Variants in WWP2 observed in about 807,000 individuals in gnomAD.
WWP2 encodes the protein NEDD4-like E3 ubiquitin-protein ligase WWP2.
WWP2 carries 57 observed loss-of-function variants against 121.0 expected under a neutral mutation model. The ratio of observed to expected loss-of-function variants is 0.47; its 90% CI spans 0.38 to 0.59. The LOEUF (loss-of-function observed/expected upper bound fraction) is 0.59, where lower values mean the gene tolerates loss of function less well. Ranked by LOEUF, WWP2 falls within the 20% of genes least tolerant of loss-of-function variation. WWP2 has a pLI of 0.00. For synonymous variants in WWP2, 449 were observed against 441.3 expected, an observed-to-expected ratio of 1.02 and a Z score of -0.22; for missense variants, 962 against 1,158.9, an observed-to-expected ratio of 0.83 and a Z score of 2.47.
At position 69,930,188 on chromosome 16, in the gene WWP2, G is replaced by T; in HGVS notation, c.1375G>T (p.Val459Leu). 2 of 1,614,058 alleles carry T rather than the reference G, an allele frequency of 1.2e-6. No individual in the cohort carries two copies. Among genetic ancestry groups the T allele is most frequent in the East Asian group, 2.2e-5 (1 of 44,868 alleles). The change falls in exon 13 of 24, where the codon GTG (valine) becomes TTG (leucine). Residue 459 changes from valine (V) to leucine (L), a missense_variant. This residue lies in a region of WWP2 where 606 missense variants were observed against 772.6 expected (regional missense o/e 0.78). Transcript: ENST00000359154. Reference sequence around the variant, plus strand: ...GGAGATGAAATACACCAGCGAGGGGGTGCGATACTTTGTGGACCACAATAC... The same window carrying T: ...GGAGATGAAATACACCAGCGAGGGGTTGCGATACTTTGTGGACCACAATAC... ...GWEMKYTSEG[V>L]RYFVDHNTRT...
intron 10 of WWP2, 85 bp downstream of exon 10, chr16:69,917,968 T>C: frequency 6.7e-7 from 1 of 1,495,944 alleles, no homozygotes; most frequent in Non-Finnish European, 9.0e-7. Context: ...TTGACCTGCT[T>C]AGTGAGCAGG....
chr16:69,766,337 C>A (rs2151763182), intron 1 of WWP2, among the ~76,000 whole-genome samples: 1 of 152,326 alleles, frequency 6.6e-6, no homozygotes, highest in Admixed American at 6.5e-5. Flanking sequence ...TAACTTGTCT[C>A]CCTCTTCCAC....
At chr16:69,891,753 C>A (rs979524455) in intron 8 of WWP2, among the ~76,000 whole-genome samples, 1 of 152,198 alleles carries the variant, frequency 6.6e-6, no homozygotes, top group African/African-American at 2.4e-5. Flanking sequence ...ACTACCTGGA[C>A]AGTTCCATGT....
At chr16:69,924,247 G>A (rs1013883932) in intron 10 of WWP2, among the ~76,000 whole-genome samples, 12 of 152,092 alleles carry the variant, frequency 7.9e-5, no homozygotes, top group African/African-American at 2.9e-4. Flanking sequence ...GTGGAAGGGG[G>A]CTTGCTGGCA....
At position 69,922,034 on chromosome 16, in the gene WWP2, T is replaced by G. The variant is rs554397540; in HGVS notation, c.1180-3396T>G. ...GGTTGGTTGTGGTGAGCTGAGATCA[T>G]GCCACTGCACTCCAGCCAGAGACAC... On this transcript the variant is annotated intron_variant, in intron 10 of 23. Transcript: ENST00000359154. Among the ~76,000 whole-genome samples, 4 of 146,354 alleles carry G rather than the reference T, an allele frequency of 2.7e-5. No individual in the cohort carries two copies. The Admixed American group carries it at 2.8e-4, about 10-fold the overall frequency.
intron 8 of WWP2, 53 bp downstream of exon 8, chr16:69,888,302 C>G (rs890543001): frequency 2.6e-6 from 4 of 1,558,944 alleles, no homozygotes; most frequent in Admixed American, 3.8e-5. Context: ...GACTGAGGCT[C>G]CTTTACGGGG....
intron 2 of WWP2, among the ~76,000 whole-genome samples, chr16:69,795,364 A>G (rs1307132088): frequency 1.3e-5 from 2 of 152,222 alleles, no homozygotes; most frequent in Non-Finnish European, 2.9e-5. Context: ...GTAGCCACAT[A>G]GAACTGTTTA....
chr16:69,834,063 C>T lies in WWP2; in HGVS notation c.341-6063C>T, dbSNP rs529555035. On this transcript the variant is annotated intron_variant, in intron 4 of 23. Coordinates refer to ENST00000359154, the MANE Select transcript of WWP2 (RefSeq NM_001270454.2). ...CCTGGTCTTGTGTACCTCAGCCCTTCTCCTGTAGCCAGACTGGTTGTGCTA... is the reference window on the plus strand; with the variant it reads ...CCTGGTCTTGTGTACCTCAGCCCTTTTCCTGTAGCCAGACTGGTTGTGCTA... Among the ~76,000 whole-genome samples, 12 of 152,360 alleles carry T rather than the reference C, an allele frequency of 7.9e-5. No individual in the cohort carries two copies. In the South Asian group the frequency reaches 1.9e-3, roughly 24 times the overall value.
intron 10 of WWP2, among the ~76,000 whole-genome samples, chr16:69,919,615 G>A (rs774473596): frequency 3.9e-5 from 6 of 152,210 alleles, no homozygotes; most frequent in Non-Finnish European, 8.8e-5. Flanking sequence ...GTGAGCTGGA[G>A]GTGGGGAAGC....
At chr16:69,916,364 T>A (rs1245563073) in intron 9 of WWP2, among the ~76,000 whole-genome samples, 3 of 152,270 alleles carry the variant, frequency 2.0e-5, no homozygotes, top group Middle Eastern at 3.4e-3. Flanking sequence ...CCCCAGCTAA[T>A]TTTTAAAAAA....
chr16:69,916,416 G>A (rs1226726066), intron 9 of WWP2, among the ~76,000 whole-genome samples: 2 of 152,124 alleles, frequency 1.3e-5, no homozygotes, highest in Non-Finnish European at 2.9e-5. Context: ...TGCTTAGGCT[G>A]GTCAATTGAA....
At chr16:69,784,681 A>G (rs887315173) in intron 1 of WWP2, among the ~76,000 whole-genome samples, 2 of 152,120 alleles carry the variant, frequency 1.3e-5, no homozygotes, top group Admixed American at 1.3e-4. Flanking sequence ...AATGGGCAGT[A>G]CTCCAAAAGC....
chr16:69,848,310 C>T (rs1422970066), intron 6 of WWP2, among the ~76,000 whole-genome samples: 9 of 151,948 alleles, frequency 5.9e-5, no homozygotes, highest in Admixed American at 5.9e-4. Context: ...GTTAGCCAGG[C>T]GTGGTGGCGC....
At chr16:69,849,722 C>T (rs1048403273) in intron 6 of WWP2, among the ~76,000 whole-genome samples, 19 of 151,812 alleles carry the variant, frequency 1.3e-4, no homozygotes, top group African/African-American at 3.6e-4. Context: ...GCAGAAGGAT[C>T]GCTTGAGGCC....
rs933430213 is a variant in WWP2 at position 69,940,145 on chromosome 16, A to T, written c.*205A>T. On this transcript the variant is annotated 3_prime_UTR_variant, in exon 24 of 24. Coordinates refer to ENST00000359154, the MANE Select transcript of WWP2 (RefSeq NM_001270454.2). Reference sequence around the variant, plus strand: ...ACCCGCGGATGGCAGTCTGGAATAAAGCCCCCTAGTTGCCTTTGGCCCCAC... The same window carrying T: ...ACCCGCGGATGGCAGTCTGGAATAATGCCCCCTAGTTGCCTTTGGCCCCAC... The T allele has an allele frequency of 5.1e-6, 3 of 585,000 alleles. No homozygotes were observed. Among genetic ancestry groups the T allele is most frequent in the East Asian group, 5.7e-5 (2 of 35,070 alleles). 36.2% of individuals were successfully genotyped at this position (585,000 alleles called of 1,614,324 possible).
At position 69,799,723 on chromosome 16, in the gene WWP2, T is replaced by G. The variant is rs2056121458; in HGVS notation, c.340+428T>G. 6.6e-6 allele frequency among the ~76,000 whole-genome samples: 1 copy of G among 152,204 alleles called. No homozygotes were observed. The highest frequency in any genetic ancestry group is 1.5e-5 in the Non-Finnish European group (1 of 68,034). On this transcript the variant is annotated intron_variant, in intron 4 of 23. Transcript: ENST00000359154. This position sits in a 1 kb window ranked among gnomAD's most constrained non-coding sequence, Gnocchi z 4.5. ...GTGTGTGTGCATGCCTGTGTGCATG[T>G]GTGCACGTGTGTGTCTGGGATAGTA...
At chr16:69,910,701 G>A (rs908769254) in intron 9 of WWP2, among the ~76,000 whole-genome samples, 3 of 152,130 alleles carry the variant, frequency 2.0e-5, no homozygotes, top group South Asian at 2.1e-4. Flanking sequence ...GAGCCACTGC[G>A]CCCAGCCTAC....
At chr16:69,938,483 GTGGTGGACACC>G (rs2058832995) in intron 21 of WWP2, among the ~76,000 whole-genome samples, 2 of 152,338 alleles carry the variant, frequency 1.3e-5, no homozygotes, top group Middle Eastern at 3.4e-3. Context: ...GCCAGGCATG[GTGGTGGACACC>G]TGTAATCCCA....
intron 7 of WWP2, among the ~76,000 whole-genome samples, chr16:69,881,234 C>A (rs79740125): frequency 6.6e-6 from 1 of 152,178 alleles, no homozygotes; most frequent in African/African-American, 2.4e-5. Flanking sequence ...AAGCTGTCTT[C>A]GCTCCCCACG....
Sources: gnomAD v4.1 joint callset for allele counts (sites outside exome capture counted in the v4.1 genomes callset) on GRCh38, gnomAD v4.1.1 for gene constraint, gnomAD v4.1.1 regional missense constraint, Gnocchi (gnomAD v3.1) non-coding constraint, MANE v1.5 for transcripts, NCBI Gene and HGNC (gene_info 2026-07-23, HGNC 2026-07-21) for gene names.